The following CILK1 variants were observed in gnomAD, a reference collection of about 807,000 sequenced individuals.
CILK1 encodes the protein ciliogenesis associated kinase 1.
In CILK1, 47 loss-of-function variants were observed where a neutral mutation model predicts 79.2. The ratio of observed to expected loss-of-function variants is 0.59; its 90% CI spans 0.47 to 0.76. CILK1 has a LOEUF of 0.76. Ranked by LOEUF, CILK1 falls within the 30% of genes least tolerant of loss-of-function variation. CILK1 has a pLI of 0.00. For synonymous variants in CILK1, 266 were observed against 275.9 expected, an observed-to-expected ratio of 0.96 and a Z score of 0.36; for missense variants, 660 against 769.5, an observed-to-expected ratio of 0.86 and a Z score of 1.68.
At chr6:53,012,513 T>C (rs552356999) in intron 9 of CILK1, among the ~76,000 whole-genome samples, 1 of 152,320 alleles carries the variant, frequency 6.6e-6, no homozygotes, top group South Asian at 2.1e-4. Context: ...GCTAAATTCA[T>C]ACTCAGTCTC....
At chr6:53,011,644 T>C in intron 11 of CILK1, 125 bp downstream of exon 11, 1 of 926,072 alleles carries the variant, frequency 1.1e-6, no homozygotes, top group Non-Finnish European at 1.8e-6. Context: ...TCTATGATGT[T>C]CCCCTCAGTT....
At chr6:53,049,486 C>T (rs1056804521) in intron 1 of CILK1, among the ~76,000 whole-genome samples, 5 of 152,172 alleles carry the variant, frequency 3.3e-5, no homozygotes, top group Non-Finnish European at 7.4e-5. Context: ...TGTCCAAAAA[C>T]GGCCCTCAGT....
At chr6:53,047,650 A>C (rs891046344) in intron 1 of CILK1, among the ~76,000 whole-genome samples, 7 of 151,924 alleles carry the variant, frequency 4.6e-5, no homozygotes, top group African/African-American at 1.7e-4. Flanking sequence ...GGAGTTCCTC[A>C]GAGTTTTTAA....
At chr6:53,050,008 CCT>C (rs1767365640) in intron 1 of CILK1, among the ~76,000 whole-genome samples, 1 of 152,010 alleles carries the variant, frequency 6.6e-6, no homozygotes, top group African/African-American at 2.4e-5. Context: ...GGTGGGAGCC[CCT>C]GTGCCCAGCC....
chr6:53,050,294 C>T (rs1000249790), intron 1 of CILK1, among the ~76,000 whole-genome samples: 8 of 151,850 alleles, frequency 5.3e-5, no homozygotes, highest in Admixed American at 3.9e-4. Context: ...ATATTTCACC[C>T]GTAAGTCACT....
chr6:53,012,744 T>G (rs959475579), intron 9 of CILK1, among the ~76,000 whole-genome samples: 6 of 152,206 alleles, frequency 3.9e-5, no homozygotes, highest in African/African-American at 1.4e-4. Flanking sequence ...ATAAAGTGAC[T>G]AGGCCAGAGA....
chr6:53,032,422 T>G (rs1248807011), intron 4 of CILK1, 111 bp downstream of exon 4: 4 of 478,876 alleles, frequency 8.4e-6, no homozygotes, highest in East Asian at 1.2e-4. Flanking sequence ...AAATAAAAAA[T>G]AAAAAATAAA....
chr6:53,037,903 C>A, intron 3 of CILK1, 36 bp downstream of exon 3: 1 of 1,197,638 alleles, frequency 8.3e-7, no homozygotes, highest in South Asian at 1.2e-5. Context: ...CTATTTTAAT[C>A]ATCCATAAAT....
chr6:53,050,458 A>G (rs1481407324), intron 1 of CILK1, among the ~76,000 whole-genome samples: 1 of 151,436 alleles, frequency 6.6e-6, no homozygotes, highest in Non-Finnish European at 1.5e-5. Context: ...CACATTTCAC[A>G]TACATATAAT....
intron 5 of CILK1, 52 bp from the exon 6 acceptor site, chr6:53,019,411 A>G: frequency 6.3e-7 from 1 of 1,596,190 alleles, no homozygotes; most frequent in African/African-American, 1.3e-5. Flanking sequence ...GCTTCGTATT[A>G]TTCTTTGCAA....
At chr6:53,036,972 C>A (rs1766380784) in intron 3 of CILK1, among the ~76,000 whole-genome samples, 1 of 152,064 alleles carries the variant, frequency 6.6e-6, no homozygotes. Flanking sequence ...TTCAATATGA[C>A]CTTTTAGTCC....
At chr6:53,018,597 C>T (rs1422468127) in intron 6 of CILK1, 96 bp from the exon 7 acceptor site, 1 of 1,216,538 alleles carries the variant, frequency 8.2e-7, no homozygotes, top group Non-Finnish European at 1.2e-6. Context: ...GTATATGTTC[C>T]TATTTTCTCT....
At chr6:53,045,652 ATTT>A (rs373590672) in intron 1 of CILK1, among the ~76,000 whole-genome samples, 2 of 152,112 alleles carry the variant, frequency 1.3e-5, no homozygotes, top group African/African-American at 4.8e-5. Flanking sequence ...TTTGACAATG[ATTT>A]TTTAACTTAC....
chr6:53,016,163 G>A lies in CILK1; in HGVS notation c.751C>T (p.Pro251Ser). ...CVPNNLKTLI[P>S]NASSEAVQLL... ...TGGACTGCTTCACTGCTAGCATTGG[G>A]AATCAAGGTCTTTAAGTTATTGGGT... The change falls in exon 8 of 14, where the codon CCC becomes TCC. Residue 251 changes from proline (P) to serine (S), a missense_variant. Physicochemically the swap from Pro to Ser is moderately conservative, Grantham distance 74. Coordinates refer to ENST00000676107, the MANE Select transcript of CILK1 (RefSeq NM_014920.5). 1.2e-6 allele frequency: 2 copies of A among 1,614,090 alleles called. No homozygotes were observed. Among genetic ancestry groups the A allele is most frequent in the Non-Finnish European group, 1.7e-6 (2 of 1,179,952 alleles).
chr6:53,005,967 C>T (rs116181610), intron 13 of CILK1, among the ~76,000 whole-genome samples: 1 of 152,148 alleles, frequency 6.6e-6, no homozygotes, highest in Non-Finnish European at 1.5e-5. Flanking sequence ...TCTGGAAAAG[C>T]CTCACTCATA....
rs1407657543 is a variant in CILK1, at chr6:53,004,726, A to G, written c.*423T>C. The G allele has an allele frequency of 5.4e-6, 1 of 184,098 alleles. No individual in the cohort carries two copies. Among genetic ancestry groups the G allele is most frequent in the East Asian group, 1.5e-4 (1 of 6,752 alleles). The allele number at this position is 184,098 out of a possible 1,614,324, so 11.4% of individuals were successfully genotyped here. A position where few individuals can be genotyped will look rare whatever the true frequency, so the allele number is the denominator to read the frequency against. On this transcript the variant is annotated 3_prime_UTR_variant, in exon 14 of 14. Transcript: ENST00000676107. The stretch of plus-strand genomic sequence containing the variant: ...CACTGAGTAAATAACCCTCTATCAC[A>G]TAGCCTTAAATTGCACCCCTGTTGC...
At position 53,003,969 on chromosome 6, in the gene CILK1, T is replaced by G. The variant is rs904963304; in HGVS notation, c.*1180A>C. 1.3e-5 allele frequency: 2 copies of G among 152,650 alleles called. No individual in the cohort carries two copies. Among genetic ancestry groups the G allele is most frequent in the Non-Finnish European group, 2.9e-5 (2 of 68,036 alleles). The allele number at this position is 152,650 out of a possible 1,614,324, so 9.5% of individuals were successfully genotyped here. A position where few individuals can be genotyped will look rare whatever the true frequency, so the allele number is the denominator to read the frequency against. On this transcript the variant is annotated 3_prime_UTR_variant, in exon 14 of 14. Coordinates refer to ENST00000676107, the MANE Select transcript of CILK1 (RefSeq NM_014920.5). ...CTGTCTCCAAACTGACTTTGTCATT[T>G]TTGAAACTGCTGTAAACATTCCTCT...
intron 6 of CILK1, among the ~76,000 whole-genome samples, chr6:53,018,837 C>T (rs1581697875): frequency 6.6e-6 from 1 of 152,236 alleles, no homozygotes; most frequent in Non-Finnish European, 1.5e-5. Flanking sequence ...AGGAAAAAAC[C>T]TACAACTTGT....
chr6:53,059,757 A>C (rs1768262447), intron 1 of CILK1, among the ~76,000 whole-genome samples: 1 of 152,262 alleles, frequency 6.6e-6, no homozygotes, highest in Admixed American at 6.5e-5. Flanking sequence ...GAGATAGTAC[A>C]TAATGGAGAG....
Sources: gnomAD v4.1 joint callset for allele counts (sites outside exome capture counted in the v4.1 genomes callset) on GRCh38, gnomAD v4.1.1 for gene constraint, MANE v1.5 for transcripts, NCBI Gene and HGNC (gene_info 2026-07-23, HGNC 2026-07-21) for gene names.